The following NXPE2 variants were observed in gnomAD, a reference collection of about 807,000 sequenced individuals.
The protein encoded by NXPE2 is neurexophilin and PC-esterase domain family member 2.
A neutral mutation model predicts 34.4 loss-of-function variants in NXPE2; 34 were observed. That is an observed-to-expected ratio of 0.99 (90% confidence interval 0.75 to 1.31). NXPE2 has a LOEUF of 1.31. Ranked by LOEUF, NXPE2 falls within the 40% of genes most tolerant of loss-of-function variation. The probability of loss-of-function intolerance (pLI) is 0.00; values close to 1 mark genes in which losing one functional copy is unlikely to be tolerated. For synonymous variants in NXPE2, 235 were observed against 231.3 expected (o/e 1.02, Z -0.15); for missense variants, 649 against 672.5 (o/e 0.97, Z 0.39).
the NXPE2 span, among the ~76,000 whole-genome samples, chr11:114,791,888 T>C: frequency 2.0e-5 from 3 of 152,066 alleles, no homozygotes; most frequent in African/African-American, 7.2e-5. Flanking sequence ...ACCCTGTCTC[T>C]ACTAAACAAA....
chr11:114,603,506 G>A, the NXPE2 span, among the ~76,000 whole-genome samples: 7 of 150,994 alleles, frequency 4.6e-5, no homozygotes, highest in Admixed American at 4.6e-4. Context: ...ATTACCTGGT[G>A]GATGATAAGT....
intron 2 of NXPE2, among the ~76,000 whole-genome samples, chr11:114,690,847 T>C (rs775797397): frequency 9.9e-5 from 15 of 151,988 alleles, no homozygotes; most frequent in Non-Finnish European, 1.9e-4. Context: ...ATCTCTAAAA[T>C]TCCTTCTGCT....
the NXPE2 span, among the ~76,000 whole-genome samples, chr11:114,550,447 G>T: frequency 6.6e-6 from 1 of 152,104 alleles, no homozygotes; most frequent in East Asian, 1.9e-4. Context: ...GTATGCTACG[G>T]AGGCCGCACT....
chr11:114,809,711 A>G, the NXPE2 span, among the ~76,000 whole-genome samples: 9 of 145,494 alleles, frequency 6.2e-5, no homozygotes, highest in Admixed American at 2.8e-4. Flanking sequence ...CAATGGAAGA[A>G]CATTCCATGC....
At chr11:114,587,556 C>T in the NXPE2 span, among the ~76,000 whole-genome samples, 4 of 152,170 alleles carry the variant, frequency 2.6e-5, no homozygotes, top group African/African-American at 4.8e-5. Context: ...CATGGGTGAG[C>T]ATGACTAATC....
the NXPE2 span, chr11:114,528,012 T>A: frequency 1.5e-6 from 1 of 664,902 alleles, no homozygotes; most frequent in Non-Finnish European, 2.5e-6. Flanking sequence ...AACTGGAAGC[T>A]GTTATTATTG....
chr11:114,752,490 G>A, the NXPE2 span, among the ~76,000 whole-genome samples: 1 of 152,204 alleles, frequency 6.6e-6, no homozygotes. Flanking sequence ...AGGAGAGCAA[G>A]GGTGGAATCA....
the NXPE2 span, among the ~76,000 whole-genome samples, chr11:114,650,838 A>C: frequency 6.8e-6 from 1 of 147,198 alleles, no homozygotes; most frequent in Non-Finnish European, 1.5e-5. Context: ...GGACCCGGAA[A>C]ACAGAGTCTC....
chr11:114,698,194 G>A lies in NXPE2; in HGVS notation c.282G>A (p.Gln94=). Residue 94 remains glutamine (Q), a synonymous_variant, in exon 3 of 6, where the codon CAG becomes CAA. Transcript: ENST00000389586. ...IKDIMEKLDQ[Q]IPPRPFTHVN... ...ACATTATGGAGAAACTAGACCAGCA[G>A]ATCCCACCCAGACCTTTCACCCATG... is the stretch of plus-strand genomic sequence containing the variant. 6.2e-7 allele frequency: 1 copy of A among 1,614,158 alleles called. No homozygotes were observed. Among genetic ancestry groups the A allele is most frequent in the Non-Finnish European group, 8.5e-7 (1 of 1,180,012 alleles).
the NXPE2 span, among the ~76,000 whole-genome samples, chr11:114,653,533 C>CTTTTTTTTTT: frequency 9.7e-6 from 1 of 103,528 alleles, no homozygotes; most frequent in African/African-American, 3.5e-5. Flanking sequence ...CCTGCTTTCC[C>CTTTTTTTTTT]TTTTTTTTTT....
At chr11:114,517,234 G>A in the NXPE2 span, among the ~76,000 whole-genome samples, 50,938 of 151,970 alleles carry the variant, frequency 0.34, 8,907 homozygotes, top group East Asian at 0.64. Flanking sequence ...AAGGCAATTA[G>A]TGGCTGTATG....
chr11:114,796,422 A>G, the NXPE2 span, among the ~76,000 whole-genome samples: 1 of 152,176 alleles, frequency 6.6e-6, no homozygotes, highest in Non-Finnish European at 1.5e-5. Context: ...TGGAGCTTAG[A>G]AACTGAAAAT....
chr11:114,786,721 C>G, the NXPE2 span, among the ~76,000 whole-genome samples: 2 of 152,134 alleles, frequency 1.3e-5, no homozygotes, highest in African/African-American at 4.8e-5. Context: ...TTTGCCTCAT[C>G]CTGAGAGGGC....
chr11:114,593,827 G>T, the NXPE2 span, among the ~76,000 whole-genome samples: 2 of 152,214 alleles, frequency 1.3e-5, no homozygotes, highest in East Asian at 3.9e-4. Flanking sequence ...ATACACAACG[G>T]AGTAGTATTC....
At chr11:114,800,954 C>T in the NXPE2 span, among the ~76,000 whole-genome samples, 1 of 152,190 alleles carries the variant, frequency 6.6e-6, no homozygotes, top group Non-Finnish European at 1.5e-5. Context: ...TAAACTATGA[C>T]AATTACTGAT....
chr11:114,777,392 G>T, the NXPE2 span, among the ~76,000 whole-genome samples: 4 of 152,188 alleles, frequency 2.6e-5, no homozygotes, highest in African/African-American at 9.7e-5. Context: ...TTAAGGAAAT[G>T]GGGTGAACTA....
At chr11:114,656,253 C>T in the NXPE2 span, among the ~76,000 whole-genome samples, 1 of 152,086 alleles carries the variant, frequency 6.6e-6, no homozygotes, top group African/African-American at 2.4e-5. Context: ...AGGAGAACTA[C>T]AAGCCACTAC....
the NXPE2 span, among the ~76,000 whole-genome samples, chr11:114,725,518 GT>G: frequency 4.1e-3 from 613 of 150,822 alleles, 5 homozygotes; most frequent in South Asian, 0.013. Context: ...TTTCCTGAGT[GT>G]TTTTTTTTAA....
At chr11:114,763,403 A>T in the NXPE2 span, among the ~76,000 whole-genome samples, 5 of 152,218 alleles carry the variant, frequency 3.3e-5, no homozygotes. Context: ...CCAAAAGCAA[A>T]ACAAAACACC....
Sources: allele counts gnomAD v4.1 joint callset (sites outside exome capture counted in the v4.1 genomes callset), GRCh38; gene constraint gnomAD v4.1.1; transcripts MANE v1.5; gene names NCBI Gene and HGNC (gene_info 2026-07-23, HGNC 2026-07-21).